Variants in JAKMIP3 observed in about 807,000 individuals in gnomAD.
The protein encoded by JAKMIP3 is Janus kinase and microtubule interacting protein 3.
In JAKMIP3, 58 loss-of-function variants were observed where a neutral mutation model predicts 118.5. The ratio of observed to expected loss-of-function variants is 0.49; its 90% CI spans 0.40 to 0.61. The LOEUF is 0.61. Among genes scored for constraint, JAKMIP3 ranks in the 20% least tolerant of loss-of-function variants. The pLI is 0.00. For missense variants in JAKMIP3, 950 were observed against 1,109.0 expected, an observed-to-expected ratio of 0.86 and a Z score of 2.04; for synonymous variants, 486 against 451.2, an observed-to-expected ratio of 1.08 and a Z score of -0.98.
intron 13 of JAKMIP3, among the ~76,000 whole-genome samples, chr10:132,146,633 G>A (rs1037939988): frequency 2.0e-5 from 3 of 152,184 alleles, no homozygotes; most frequent in Non-Finnish European, 4.4e-5. Flanking sequence ...AGCTAGGGTA[G>A]CCTGGCTGAT....
intron 2 of JAKMIP3, among the ~76,000 whole-genome samples, chr10:132,108,360 G>T (rs976581654): frequency 6.6e-6 from 1 of 152,112 alleles, no homozygotes; most frequent in Non-Finnish European, 1.5e-5. Context: ...CTTTCATCCT[G>T]CCAGTCCCGG....
Position 132,053,299 on chromosome 10 carries a change from C to A in JAKMIP3, c.-138+16561C>A, listed in dbSNP as rs116011506. ...CTGCCTACCAAGGCAGGCTTCTCTG[C>A]AGTCCTATGGAATTGGGGTGAGGCA... On this transcript the variant is annotated intron_variant, in intron 1 of 23. Transcript: ENST00000657785. 5.5e-3 allele frequency among the ~76,000 whole-genome samples: 838 copies of A among 152,346 alleles called. 7 individuals are homozygous for A. The highest frequency in any genetic ancestry group is 0.019 in the African/African-American group (801 of 41,574).
intron 23 of JAKMIP3, among the ~76,000 whole-genome samples, chr10:132,178,643 C>T (rs911775804): frequency 5.9e-5 from 9 of 152,162 alleles, no homozygotes; most frequent in Non-Finnish European, 1.0e-4. Context: ...GGTCTCACCC[C>T]CTCCCAAGCG....
chr10:132,131,101 C>T (rs1300891894), intron 3 of JAKMIP3, among the ~76,000 whole-genome samples: 1 of 152,018 alleles, frequency 6.6e-6, no homozygotes, highest in East Asian at 1.9e-4. Flanking sequence ...GGGCTTCTCT[C>T]CAGTTTCCAG....
rs145434051 is a variant in JAKMIP3, at chr10:132,038,323, C to T, written c.-138+1585C>T. Among the ~76,000 whole-genome samples the T allele has an allele frequency of 1.6e-4, 25 of 152,300 alleles. No homozygotes were observed. In the East Asian group the frequency reaches 2.9e-3, roughly 18 times the overall value. ...ACTCCAGGTGCCCCGAGGGAGCCCA[C>T]GCACAGGGCACAACCCCCACGGCAG... On this transcript the variant is annotated intron_variant, in intron 1 of 23. Transcript: ENST00000657785.
At chr10:132,077,264 A>G (rs2040976613) in intron 1 of JAKMIP3, among the ~76,000 whole-genome samples, 1 of 152,080 alleles carries the variant, frequency 6.6e-6, no homozygotes, top group Non-Finnish European at 1.5e-5. Context: ...TGCTTCCCCC[A>G]GTGGCTTTGT....
At chr10:132,136,505 G>A (rs2051809958) in intron 6 of JAKMIP3, among the ~76,000 whole-genome samples, 1 of 152,242 alleles carries the variant, frequency 6.6e-6, no homozygotes, top group African/African-American at 2.4e-5. Flanking sequence ...TGAGCCAGGA[G>A]TGGGGGGCCG....
chr10:132,068,237 A>T (rs1447456857), intron 1 of JAKMIP3, among the ~76,000 whole-genome samples: 2 of 151,976 alleles, frequency 1.3e-5, no homozygotes, highest in African/African-American at 4.8e-5. Flanking sequence ...TTCCGTGTGG[A>T]CTGTGGGCTT....
At position 132,137,718 on chromosome 10, in the gene JAKMIP3, T is replaced by G. The variant is rs376690007; in HGVS notation, c.1285-401T>G. Among the ~76,000 whole-genome samples, 43 of 152,282 alleles carry G rather than the reference T, an allele frequency of 2.8e-4. No homozygotes were observed. In the South Asian group the frequency reaches 8.9e-3, roughly 32 times the overall value. ...AGCAGCAGGACCCTGGTCTCCTTAG[T>G]ATTTTAAGGGCGCCAGTCCCCACAC... On this transcript the variant is annotated intron_variant, in intron 8 of 23. Coordinates refer to ENST00000684848, the MANE Select transcript of JAKMIP3 (RefSeq NM_001323087.2).
intron 1 of JAKMIP3, among the ~76,000 whole-genome samples, chr10:132,037,402 T>C (rs1309464444): frequency 6.6e-6 from 1 of 151,836 alleles, no homozygotes; most frequent in African/African-American, 2.4e-5. Flanking sequence ...TCTGCAAATG[T>C]AAGAAATGGG....
intron 16 of JAKMIP3, among the ~76,000 whole-genome samples, chr10:132,151,362 G>T (rs528068284): frequency 6.6e-6 from 1 of 152,160 alleles, no homozygotes; most frequent in African/African-American, 2.4e-5. Context: ...TCCATCCAGT[G>T]CTCTGCATCC....
intron 1 of JAKMIP3, among the ~76,000 whole-genome samples, chr10:132,086,081 G>T (rs994167778): frequency 2.0e-5 from 3 of 152,106 alleles, no homozygotes; most frequent in African/African-American, 7.2e-5. Context: ...TCAGTTCGAA[G>T]AATTTTTAAA....
intron 2 of JAKMIP3, among the ~76,000 whole-genome samples, chr10:132,116,560 GT>G: frequency 9.4e-6 from 1 of 106,734 alleles, no homozygotes; most frequent in African/African-American, 3.9e-5. Context: ...ATGTGTGAGT[GT>G]GTGCATCATG....
chr10:132,133,503 C>A lies in JAKMIP3; in HGVS notation c.825C>A (p.Asp275Glu). 6.4e-7 allele frequency: 1 copy of A among 1,572,250 alleles called. No homozygotes were observed. The change falls in exon 4 of 24, where the codon GAC becomes GAA. Residue 275 changes from aspartate (D) to glutamate (E), a missense_variant. By Grantham distance (45) the Asp-to-Glu change is conservative. Coordinates refer to ENST00000684848, the MANE Select transcript of JAKMIP3 (RefSeq NM_001323087.2). ...TTCCTCATGCAGCTGGTGCAGGAGA[C>A]GCTTCAGACCACTCGGGAAGCCCTG... ...RELPHAAGAGDASDHSGSPEQ... is the reference protein window; with the variant it reads ...RELPHAAGAGEASDHSGSPEQ...
chr10:132,118,088 G>GC lies in JAKMIP3; in HGVS notation c.633+518dup, dbSNP rs1324028308. 6.6e-6 allele frequency among the ~76,000 whole-genome samples: 1 copy of GC among 152,178 alleles called. No homozygotes were observed. Among genetic ancestry groups the GC allele is most frequent in the Non-Finnish European group, 1.5e-5 (1 of 68,028 alleles). On this transcript the variant is annotated intron_variant, in intron 3 of 23. Transcript: ENST00000684848. The surrounding 1 kb of genome is among the most constrained non-coding windows in gnomAD (Gnocchi z 4.8). ...GGATCCAGAGAGGCGAGATCAGGAG[G>GC]CCCCGGGGGGTGGGATGGCCCCCAG...
At chr10:132,085,818 C>G (rs1270490078) in intron 1 of JAKMIP3, among the ~76,000 whole-genome samples, 1 of 152,114 alleles carries the variant, frequency 6.6e-6, no homozygotes, top group East Asian at 1.9e-4. Flanking sequence ...TTTCAAAGAA[C>G]CAGCTTTTCG....
chr10:132,184,077 T>C lies in JAKMIP3; in HGVS notation c.*2824T>C, dbSNP rs565419774. 6.6e-6 allele frequency: 1 copy of C among 152,314 alleles called. No homozygotes were observed. Among genetic ancestry groups the C allele is most frequent in the South Asian group, 2.1e-4 (1 of 4,828 alleles). 9.4% of individuals were successfully genotyped at this position (152,314 alleles called of 1,614,324 possible). ...TGTACTGTTACATCAACATTTACATTATATTAACATCATCACACTCTGTGT... is the reference window on the plus strand; with the variant it reads ...TGTACTGTTACATCAACATTTACATCATATTAACATCATCACACTCTGTGT... On this transcript the variant is annotated 3_prime_UTR_variant, in exon 24 of 24. Coordinates refer to ENST00000684848, the MANE Select transcript of JAKMIP3 (RefSeq NM_001323087.2).
chr10:132,138,417 C>G (rs556395032), intron 9 of JAKMIP3, among the ~76,000 whole-genome samples: 1 of 150,930 alleles, frequency 6.6e-6, no homozygotes, highest in African/African-American at 2.4e-5. Context: ...GAGAGGGGTG[C>G]GCCGGTGTAT....
intron 23 of JAKMIP3, among the ~76,000 whole-genome samples, chr10:132,172,927 T>C (rs1053160307): frequency 6.7e-6 from 1 of 148,546 alleles, no homozygotes; most frequent in South Asian, 2.1e-4. Flanking sequence ...ACACCTGTGC[T>C]TCCCGCCTTC....
Sources: gnomAD v4.1 joint callset for allele counts (sites outside exome capture counted in the v4.1 genomes callset) on GRCh38, gnomAD v4.1.1 for gene constraint, Gnocchi (gnomAD v3.1) non-coding constraint, MANE v1.5 for transcripts, NCBI Gene and HGNC (gene_info 2026-07-23, HGNC 2026-07-21) for gene names.